The following UNC5C variants were observed in gnomAD, a reference collection of about 807,000 sequenced individuals.
UNC5C encodes the protein netrin receptor UNC5C.
UNC5C carries 47 observed loss-of-function variants against 99.8 expected under a neutral mutation model. The observed-to-expected ratio is 0.47, with a 90% confidence interval of 0.37 to 0.60. UNC5C has a LOEUF of 0.60. Ranked by LOEUF, UNC5C falls within the 20% of genes least tolerant of loss-of-function variation. UNC5C has a pLI of 0.00. For synonymous variants in UNC5C, 487 were observed against 452.2 expected (o/e 1.08, Z -0.98); for missense variants, 1,062 against 1,165.9 (o/e 0.91, Z 1.30).
intron 14 of UNC5C, among the ~76,000 whole-genome samples, chr4:95,171,411 C>T (rs1432301611): frequency 2.1e-5 from 3 of 140,556 alleles, no homozygotes; most frequent in Admixed American, 1.5e-4. Context: ...CCACAACAGT[C>T]CCCAGAGTGT....
chr4:95,325,878 C>A (rs1446856303), intron 2 of UNC5C, among the ~76,000 whole-genome samples: 2 of 152,142 alleles, frequency 1.3e-5, no homozygotes, highest in Non-Finnish European at 2.9e-5. Flanking sequence ...ATACAGCTGA[C>A]ACTCTGAAGC....
chr4:95,286,371 A>G (rs1488116257), intron 3 of UNC5C, among the ~76,000 whole-genome samples: 3 of 152,208 alleles, frequency 2.0e-5, no homozygotes, highest in Non-Finnish European at 4.4e-5. Context: ...TGTTTTCTGC[A>G]TAACACTAAA....
intron 12 of UNC5C, among the ~76,000 whole-genome samples, chr4:95,197,916 T>C (rs1372143196): frequency 6.6e-6 from 1 of 150,810 alleles, no homozygotes; most frequent in Non-Finnish European, 1.5e-5. Flanking sequence ...TTGCTGCCCA[T>C]ACGGGTAAGA....
Position 95,244,982 on chromosome 4 carries a change from C to A in UNC5C, c.938G>T (p.Cys313Phe). The change falls in exon 6 of 16, where the codon TGC becomes TTC. Residue 313 changes from cysteine to phenylalanine, a missense_variant. Transcript: ENST00000453304. ...SVQKIACTTL[C>F]PVDGRWTPWS... ...GAGAGGACTGGTTTATTTACCTGGG[C>A]ATAACGTAGTACAGGCTATTTTCTG... The A allele has an allele frequency of 6.2e-7, 1 of 1,613,798 alleles. No homozygotes were observed. Among genetic ancestry groups the A allele is most frequent in the Non-Finnish European group, 8.5e-7 (1 of 1,179,916 alleles).
chr4:95,358,658 C>T (rs181357451), intron 1 of UNC5C, among the ~76,000 whole-genome samples: 38 of 152,268 alleles, frequency 2.5e-4, no homozygotes, highest in African/African-American at 8.4e-4. Flanking sequence ...GGCTTCTGGC[C>T]TTTTCTCCCT....
intron 1 of UNC5C, among the ~76,000 whole-genome samples, chr4:95,438,884 C>T (rs1448044292): frequency 6.6e-6 from 1 of 152,108 alleles, no homozygotes; most frequent in Non-Finnish European, 1.5e-5. Context: ...AGAAATGAGC[C>T]TCTAGATACC....
chr4:95,369,387 C>T (rs533762926), intron 1 of UNC5C, among the ~76,000 whole-genome samples: 32 of 151,256 alleles, frequency 2.1e-4, no homozygotes, highest in African/African-American at 6.5e-4. Context: ...CCCAACTCTA[C>T]AAAAAAATAT....
At chr4:95,323,251 A>G (rs559833824) in intron 2 of UNC5C, among the ~76,000 whole-genome samples, 159 of 152,316 alleles carry the variant, frequency 1.0e-3, no homozygotes, top group Non-Finnish European at 1.9e-3. Context: ...CACCATGTTA[A>G]GCAGGAGCAG....
intron 1 of UNC5C, among the ~76,000 whole-genome samples, chr4:95,442,504 G>T (rs550193687): frequency 6.7e-6 from 1 of 149,962 alleles, no homozygotes; most frequent in African/African-American, 2.5e-5. Flanking sequence ...CATCAAGCCC[G>T]CCTGTTTTTT....
chr4:95,475,843 C>T (rs563794948), intron 1 of UNC5C, among the ~76,000 whole-genome samples: 2 of 152,164 alleles, frequency 1.3e-5, no homozygotes, highest in East Asian at 3.9e-4. Context: ...TCATTCATTA[C>T]CTAAATACAC....
chr4:95,428,400 A>G (rs1305665876), intron 1 of UNC5C, among the ~76,000 whole-genome samples: 2 of 152,180 alleles, frequency 1.3e-5, no homozygotes, highest in Middle Eastern at 3.2e-3. Flanking sequence ...TCTACATAGC[A>G]GTATATATGC....
intron 1 of UNC5C, among the ~76,000 whole-genome samples, chr4:95,344,266 A>C (rs1446945184): frequency 6.6e-6 from 1 of 152,144 alleles, no homozygotes; most frequent in Non-Finnish European, 1.5e-5. Context: ...GAAACTTTAC[A>C]GGCCAGGATA....
At chr4:95,204,687 G>T (rs1221549062) in intron 11 of UNC5C, among the ~76,000 whole-genome samples, 1 of 152,232 alleles carries the variant, frequency 6.6e-6, no homozygotes, top group Non-Finnish European at 1.5e-5. Context: ...CAGTCTCTCT[G>T]CAGGGGCAGG....
intron 1 of UNC5C, among the ~76,000 whole-genome samples, chr4:95,381,764 T>TA (rs1164380710): frequency 6.6e-6 from 1 of 151,964 alleles, no homozygotes; most frequent in East Asian, 1.9e-4. Flanking sequence ...GTGCTTAGAT[T>TA]AAAAAAAACC....
chr4:95,239,136 A>AT (rs1282932212), intron 7 of UNC5C, among the ~76,000 whole-genome samples: 2 of 152,100 alleles, frequency 1.3e-5, no homozygotes, highest in African/African-American at 4.8e-5. Context: ...GGTGTGGCTT[A>AT]TTTTTGTCTT....
intron 1 of UNC5C, among the ~76,000 whole-genome samples, chr4:95,472,415 C>T (rs562863326): frequency 2.0e-5 from 3 of 152,204 alleles, no homozygotes; most frequent in East Asian, 3.9e-4. Flanking sequence ...GAGAGGAATA[C>T]TCATCTTTCA....
At chr4:95,201,713 C>G (rs1409488111) in intron 12 of UNC5C, among the ~76,000 whole-genome samples, 2 of 152,058 alleles carry the variant, frequency 1.3e-5, no homozygotes, top group Non-Finnish European at 2.9e-5. Flanking sequence ...ACGCCATTCT[C>G]CTGCCTCAGC....
chr4:95,206,837 T>C (rs751833993), intron 10 of UNC5C, 41 bp from the exon 11 acceptor site: 1 of 1,498,582 alleles, frequency 6.7e-7, no homozygotes, highest in African/African-American at 1.4e-5. Flanking sequence ...ACATTTCCAT[T>C]GTATTCATGA....
chr4:95,178,461 C>CTCACA (rs1736461760), intron 14 of UNC5C, among the ~76,000 whole-genome samples: 1 of 25,798 alleles, frequency 3.9e-5, no homozygotes, highest in African/African-American at 3.3e-4. Context: ...TCTCACATTT[C>CTCACA]TTTCTTTTTG....
Sources: allele counts gnomAD v4.1 joint callset (sites outside exome capture counted in the v4.1 genomes callset), GRCh38; gene constraint gnomAD v4.1.1; transcripts MANE v1.5; gene names NCBI Gene and HGNC (gene_info 2026-07-23, HGNC 2026-07-21).